The following KLRF1 variants were observed in gnomAD, a reference collection of about 807,000 sequenced individuals.
KLRF1 encodes the protein killer cell lectin-like receptor subfamily F member 1.
A neutral mutation model predicts 30.7 loss-of-function variants in KLRF1; 27 were observed. That is an observed-to-expected ratio of 0.88 (90% CI 0.65 to 1.21). KLRF1 has a LOEUF of 1.21. KLRF1 is among the 50% of genes most tolerant of loss of function. The probability of loss-of-function intolerance (pLI) is 0.00; values close to 1 mark genes in which losing one functional copy is unlikely to be tolerated. For synonymous variants in KLRF1, 92 were observed against 89.3 expected, an observed-to-expected ratio of 1.03 and a Z score of -0.17; for missense variants, 246 against 259.3, an observed-to-expected ratio of 0.95 and a Z score of 0.35.
At chr12:9,827,681 TC>T in intron 1 of KLRF1, 52 bp downstream of exon 1, 1 of 1,011,832 alleles carries the variant, frequency 9.9e-7, no homozygotes. Flanking sequence ...CATGGTAGTT[TC>T]CCGTATCCTG....
At chr12:9,833,023 C>T (rs937345999) in intron 2 of KLRF1, among the ~76,000 whole-genome samples, 1 of 152,122 alleles carries the variant, frequency 6.6e-6, no homozygotes, top group African/African-American at 2.4e-5. Flanking sequence ...AGCCTATATA[C>T]TTCCCAGAGC....
the KLRF1 span, among the ~76,000 whole-genome samples, chr12:9,811,912 G>A: frequency 6.6e-6 from 1 of 152,136 alleles, no homozygotes; most frequent in East Asian, 1.9e-4. Context: ...TGCACCCCAC[G>A]GTCACTTTGG....
chr12:9,844,689 C>A lies in KLRF1; in HGVS notation c.*163C>A. 2.0e-6 allele frequency: 1 copy of A among 493,850 alleles called. No individual in the cohort carries two copies. Among genetic ancestry groups the A allele is most frequent in the Non-Finnish European group, 3.7e-6 (1 of 273,576 alleles). 30.6% of individuals were successfully genotyped at this position (493,850 alleles called of 1,614,324 possible). On this transcript the variant is annotated 3_prime_UTR_variant, in exon 6 of 6. Coordinates refer to ENST00000617889, the MANE Select transcript of KLRF1 (RefSeq NM_016523.3). ...ACACTGGTCTAGCCTCAGAGTAACC[C>A]CTGTTAACAAACTAAAATGTACACT...
the KLRF1 span, among the ~76,000 whole-genome samples, chr12:9,813,133 T>TC: frequency 6.6e-6 from 1 of 151,824 alleles, no homozygotes; most frequent in African/African-American, 2.4e-5. Flanking sequence ...CTTTTTATTT[T>TC]TTTATTTTTT....
At chr12:9,839,193 T>G (rs756553076) in intron 3 of KLRF1, among the ~76,000 whole-genome samples, 1 of 152,132 alleles carries the variant, frequency 6.6e-6, no homozygotes, top group South Asian at 2.1e-4. Context: ...GAGGGCCCTC[T>G]TCTCTGTTGC....
At chr12:9,823,298 C>A (rs1354411911), upstream of KLRF1, among the ~76,000 whole-genome samples, 1 of 149,404 alleles carries the variant, frequency 6.7e-6, no homozygotes, top group African/African-American at 2.5e-5. Flanking sequence ...TCTTGGACCA[C>A]AACGCAATAA....
chr12:9,806,959 A>G, the KLRF1 span, among the ~76,000 whole-genome samples: 1 of 152,090 alleles, frequency 6.6e-6, no homozygotes, highest in Non-Finnish European at 1.5e-5. Flanking sequence ...TCAGATTACA[A>G]GTATGAGCTA....
the KLRF1 span, among the ~76,000 whole-genome samples, chr12:9,814,865 T>G: frequency 5.1e-4 from 77 of 150,694 alleles, no homozygotes; most frequent in African/African-American, 1.7e-3. Context: ...TGTGTGTGTG[T>G]GGGAGGGGGG....
At chr12:9,841,999 G>T in intron 4 of KLRF1, 48 bp downstream of exon 4, 1 of 1,538,602 alleles carries the variant, frequency 6.5e-7, no homozygotes, top group Non-Finnish European at 8.8e-7. Flanking sequence ...GTAAAAAATG[G>T]CTTTCCTCAA....
the KLRF1 span, among the ~76,000 whole-genome samples, chr12:9,820,511 C>T: frequency 1.3e-5 from 2 of 152,180 alleles, no homozygotes; most frequent in African/African-American, 2.4e-5. Flanking sequence ...TCTTGCATCC[C>T]TCGCTCTGTC....
At position 9,831,495 on chromosome 12, in the gene KLRF1, C is replaced by T. The variant is rs117101336; in HGVS notation, c.86-821C>T. ...ATTGACTGAACAATAAGAATAATTT[C>T]GGTTACAATAGAGGATTCTTATCAA... On this transcript the variant is annotated intron_variant, in intron 1 of 5. Coordinates refer to ENST00000617889, the MANE Select transcript of KLRF1 (RefSeq NM_016523.3). Among the ~76,000 whole-genome samples, 850 of 152,076 alleles carry T rather than the reference C, an allele frequency of 5.6e-3. 6 individuals are homozygous for T. Among genetic ancestry groups the T allele is most frequent in the Non-Finnish European group, 0.01 (703 of 67,956 alleles).
At chr12:9,812,367 GAAAAAAAA>G in the KLRF1 span, among the ~76,000 whole-genome samples, 4 of 95,782 alleles carry the variant, frequency 4.2e-5, no homozygotes, top group East Asian at 8.8e-4. Context: ...GCCGTCTCAG[GAAAAAAAA>G]AAAAAAAAAA....
At chr12:9,817,480 T>C in the KLRF1 span, 2 of 427,908 alleles carry the variant, frequency 4.7e-6, no homozygotes, top group Admixed American at 7.1e-5. Context: ...CATCCTTATT[T>C]CGCTTGAGAT....
At chr12:9,842,471 ATTG>A (rs759296114) in intron 5 of KLRF1, 38 bp downstream of exon 5, 1 of 1,587,906 alleles carries the variant, frequency 6.3e-7, no homozygotes, top group Non-Finnish European at 8.6e-7. Flanking sequence ...TTTATTGTTT[ATTG>A]TAGAATATGT....
chr12:9,832,433 A>G lies in KLRF1; in HGVS notation c.184+19A>G. On this transcript the variant is annotated intron_variant, in intron 2 of 5. Coordinates refer to ENST00000617889, the MANE Select transcript of KLRF1 (RefSeq NM_016523.3). ...CTGTTGGGTAAGTTTAGAAGATCTT[A>G]ATTAAATAAAAATATGAAAGATGTT... 1 of 1,302,340 alleles carries G rather than the reference A, an allele frequency of 7.7e-7. No homozygotes were observed. Among genetic ancestry groups the G allele is most frequent in the Non-Finnish European group, 1.1e-6 (1 of 906,822 alleles). 80.7% of individuals were successfully genotyped at this position (1,302,340 alleles called of 1,614,324 possible).
the KLRF1 span, chr12:9,817,544 G>A: frequency 5.6e-6 from 2 of 354,274 alleles, no homozygotes; most frequent in Non-Finnish European, 1.1e-5. Context: ...AACATCCAGG[G>A]ACTTTGCGCT....
upstream of KLRF1, among the ~76,000 whole-genome samples, chr12:9,822,663 G>T (rs1815306463): frequency 6.6e-6 from 1 of 152,080 alleles, no homozygotes; most frequent in South Asian, 2.1e-4. Flanking sequence ...CCATTTAAAA[G>T]GTGCAGAGTG....
chr12:9,836,705 C>T (rs200275869), intron 3 of KLRF1, among the ~76,000 whole-genome samples: 1 of 151,996 alleles, frequency 6.6e-6, no homozygotes, highest in Non-Finnish European at 1.5e-5. Context: ...CTTATTGACA[C>T]TGTCTTCATT....
upstream of KLRF1, among the ~76,000 whole-genome samples, chr12:9,825,577 A>T (rs1867271291): frequency 6.6e-6 from 1 of 152,112 alleles, no homozygotes; most frequent in African/African-American, 2.4e-5. Context: ...TAACCTAGGA[A>T]TTACCATCCT....
Sources: gnomAD v4.1 joint callset for allele counts (sites outside exome capture counted in the v4.1 genomes callset) on GRCh38, gnomAD v4.1.1 for gene constraint, MANE v1.5 for transcripts, NCBI Gene and HGNC (gene_info 2026-07-23, HGNC 2026-07-21) for gene names.